Variants in CD84 observed in about 807,000 individuals in gnomAD.
CD84 encodes SLAM family member 5.
In CD84, 22 loss-of-function variants were observed where a neutral mutation model predicts 33.8. The ratio of observed to expected loss-of-function variants is 0.65; its 90% CI spans 0.46 to 0.93. The LOEUF is 0.93. Ranked by LOEUF, CD84 falls within the 40% of genes least tolerant of loss-of-function variation. The pLI is 0.00. For missense variants in CD84, 400 were observed against 397.6 expected (o/e 1.01, Z -0.05); for synonymous variants, 154 against 145.2 (o/e 1.06, Z -0.44).
intron 1 of CD84, among the ~76,000 whole-genome samples, chr1:160,567,546 A>G (rs1164618108): frequency 6.6e-6 from 1 of 152,158 alleles, no homozygotes; most frequent in African/African-American, 2.4e-5. Flanking sequence ...ACTGCTAATT[A>G]TGTGTCAGAT....
chr1:160,544,671 C>T lies in CD84; in HGVS notation c.*3585G>A. On this transcript the variant is annotated 3_prime_UTR_variant, in exon 7 of 7. Transcript: ENST00000368054. ...TGCCTGTGCCCGATTTCCAAGCTGG[C>T]CCAACCAGGCTATTCCCTCATAGCC... is the stretch of plus-strand genomic sequence containing the variant. 1 of 152,226 alleles carries T rather than the reference C, an allele frequency of 6.6e-6. No individual in the cohort carries two copies. The highest frequency in any genetic ancestry group is 1.5e-5 in the Non-Finnish European group (1 of 68,036). The allele number at this position is 152,226 out of a possible 1,614,324, so 9.4% of individuals were successfully genotyped here. A position where few individuals can be genotyped will look rare whatever the true frequency, so the allele number is the denominator to read the frequency against.
chr1:160,554,341 C>T (rs776217315), intron 2 of CD84, among the ~76,000 whole-genome samples, 195 bp from the exon 3 acceptor site: 2 of 152,074 alleles, frequency 1.3e-5, no homozygotes, highest in Non-Finnish European at 2.9e-5. Flanking sequence ...CTTTTTTTGA[C>T]ATTTTCCTGC....
chr1:160,554,264 A>G, intron 2 of CD84, 118 bp from the exon 3 acceptor site: 1 of 1,017,880 alleles, frequency 9.8e-7, no homozygotes, highest in Non-Finnish European at 1.3e-6. Context: ...AAATTATAAA[A>G]ACATAATTAA....
At chr1:160,555,647 G>T (rs1308342990) in intron 2 of CD84, among the ~76,000 whole-genome samples, 1 of 152,150 alleles carries the variant, frequency 6.6e-6, no homozygotes, top group Non-Finnish European at 1.5e-5. Flanking sequence ...ATAAGAAAAT[G>T]ACCACATTTG....
At chr1:160,569,203 G>T (rs1452488059) in intron 1 of CD84, among the ~76,000 whole-genome samples, 1 of 152,120 alleles carries the variant, frequency 6.6e-6, no homozygotes, top group Non-Finnish European at 1.5e-5. Context: ...CATTTTTAAG[G>T]GCTAATTCAA....
intron 4 of CD84, chr1:160,551,424 T>C (rs1656213534): frequency 4.3e-6 from 1 of 231,754 alleles, no homozygotes; most frequent in Non-Finnish European, 8.4e-6. Context: ...ATTGATTCTT[T>C]CTAGTTATAT....
chr1:160,554,763 T>G (rs916504387), intron 2 of CD84, among the ~76,000 whole-genome samples: 1 of 152,216 alleles, frequency 6.6e-6, no homozygotes, highest in Non-Finnish European at 1.5e-5. Flanking sequence ...TCAACCGATG[T>G]TTGTGTTGGA....
chr1:160,556,948 G>C (rs939655809), intron 2 of CD84, among the ~76,000 whole-genome samples: 1 of 152,046 alleles, frequency 6.6e-6, no homozygotes, highest in Non-Finnish European at 1.5e-5. Context: ...TTGACATTTG[G>C]GTATGGCTCT....
intron 1 of CD84, among the ~76,000 whole-genome samples, chr1:160,575,108 TC>T (rs1273688130): frequency 6.6e-6 from 1 of 152,134 alleles, no homozygotes; most frequent in East Asian, 1.9e-4. Context: ...GACAAACATT[TC>T]TTGTTCTTTT....
At chr1:160,555,960 C>A (rs1316203070) in intron 2 of CD84, among the ~76,000 whole-genome samples, 1 of 152,152 alleles carries the variant, frequency 6.6e-6, no homozygotes, top group East Asian at 1.9e-4. Context: ...TTGGAATAAA[C>A]CCAAAACAAG....
In CD84 at chr1:160,544,177, T is replaced by A. The variant is rs565700521; in HGVS notation, c.*4079A>T. 7.1e-4 allele frequency: 100 copies of A among 140,234 alleles called. No individual in the cohort carries two copies. The highest frequency in any genetic ancestry group is 2.4e-3 in the African/African-American group (90 of 37,368). The allele number at this position is 140,234 out of a possible 1,614,324, so 8.7% of individuals were successfully genotyped here. A position where few individuals can be genotyped will look rare whatever the true frequency, so the allele number is the denominator to read the frequency against. On this transcript the variant is annotated 3_prime_UTR_variant, in exon 7 of 7. Coordinates refer to ENST00000368054, the MANE Select transcript of CD84 (RefSeq NM_003874.4). ...TTTTTTTTTTTTTTTTGAGACGGAG[T>A]CTCACTCTCTCGCCCAGGCTGGAGT...
In CD84 at chr1:160,544,436, C is replaced by A. The variant is rs61802606; in HGVS notation, c.*3820G>T. 35,266 of 152,036 alleles carry A rather than the reference C, an allele frequency of 0.23. 4,685 individuals are homozygous for A. The highest frequency in any genetic ancestry group is 0.38 in the Middle Eastern group (110 of 292). The allele number at this position is 152,036 out of a possible 1,614,324, so 9.4% of individuals were successfully genotyped here. ...CTAGGATTACAGGCATGAGCCACTG[C>A]GCCTGGCCTTCAAGCTTCATTTTAC... On this transcript the variant is annotated 3_prime_UTR_variant, in exon 7 of 7. Transcript: ENST00000368054.
chr1:160,551,078 G>C, intron 4 of CD84, 43 bp from the exon 5 acceptor site: 3 of 1,436,174 alleles, frequency 2.1e-6, no homozygotes, highest in Non-Finnish European at 2.9e-6. Flanking sequence ...GTGAAAGGTG[G>C]TTTTTTTAGC....
intron 4 of CD84, chr1:160,552,870 T>C: frequency 1.4e-6 from 1 of 690,778 alleles, no homozygotes; most frequent in East Asian, 2.7e-5. Context: ...TAATGATTCC[T>C]TGAGGGTCTA....
intron 2 of CD84, among the ~76,000 whole-genome samples, chr1:160,558,218 C>T (rs770808938): frequency 1.3e-5 from 2 of 152,332 alleles, no homozygotes; most frequent in East Asian, 1.9e-4. Context: ...CCACCTCCTA[C>T]AGGTGTATTC....
intron 4 of CD84, chr1:160,553,106 G>A (rs1160788750): frequency 1.7e-6 from 1 of 597,286 alleles, no homozygotes; most frequent in Admixed American, 2.9e-5. Context: ...CACTCGTACA[G>A]TGAAGCACAG....
intron 1 of CD84, among the ~76,000 whole-genome samples, chr1:160,568,177 C>T (rs1231414493): frequency 6.6e-6 from 1 of 152,118 alleles, no homozygotes; most frequent in Non-Finnish European, 1.5e-5. Flanking sequence ...GGTTCTCTCA[C>T]TAAACCCCAG....
chr1:160,553,975 T>C lies in CD84; in HGVS notation c.560A>G (p.Gln187Arg). The change falls in exon 3 of 7, where the codon CAA (glutamine) becomes CGA (arginine). Residue 187 changes from glutamine to arginine, a missense_variant. Physicochemically the swap from Gln to Arg is conservative, Grantham distance 43. Transcript: ENST00000368054. ...GGCTGTACACGTGTAAGTCAGCTCTTGGTCCTCAGGAGTCTGGAAGATTTG... is the reference window on the plus strand; with the variant it reads ...GGCTGTACACGTGTAAGTCAGCTCTCGGTCCTCAGGAGTCTGGAAGATTTG... ...VLQIFQTPED[Q>R]ELTYTCTAQN... 1.2e-6 allele frequency: 2 copies of C among 1,614,224 alleles called. No individual in the cohort carries two copies. Among genetic ancestry groups the C allele is most frequent in the Non-Finnish European group, 1.7e-6 (2 of 1,180,030 alleles).
chr1:160,553,466 G>A lies in CD84; in HGVS notation c.672C>T (p.Thr224=), dbSNP rs150932081. ...ACATAGCCAGCACGCTCAGCAACCCGGTGTGGTGAGTACGGAAGCCCATTG... is the reference window on the plus strand; with the variant it reads ...ACATAGCCAGCACGCTCAGCAACCCAGTGTGGTGAGTACGGAAGCCCATTG... ...DIAMGFRTHH[T]GLLSVLAMFF... Residue 224 remains threonine (T), a synonymous_variant, in exon 4 of 7, where the codon ACC becomes ACT. Transcript: ENST00000368054. The A allele has an allele frequency of 1.1e-5, 17 of 1,614,082 alleles. No individual in the cohort carries two copies. The highest frequency in any genetic ancestry group is 7.7e-5 in the South Asian group (7 of 91,074).
Sources: allele counts gnomAD v4.1 joint callset (sites outside exome capture counted in the v4.1 genomes callset), GRCh38; gene constraint gnomAD v4.1.1; transcripts MANE v1.5; gene names NCBI Gene and HGNC (gene_info 2026-07-23, HGNC 2026-07-21).